ALDH9A1: variants seen among roughly 807,000 people sequenced by gnomAD.
The protein encoded by ALDH9A1 is aldehyde dehydrogenase 9 family member A1.
In ALDH9A1, 42 loss-of-function variants were observed where a neutral mutation model predicts 56.6. The observed-to-expected ratio is 0.74, with a 90% CI of 0.58 to 0.96. ALDH9A1 has a LOEUF of 0.96. Ranked by LOEUF, ALDH9A1 falls within the 40% of genes least tolerant of loss-of-function variation. ALDH9A1 has a pLI of 0.00. For missense variants in ALDH9A1, 661 were observed against 651.5 expected (o/e 1.01, Z -0.16); for synonymous variants, 242 against 236.0 (o/e 1.03, Z -0.23).
Position 165,667,304 on chromosome 1 carries a change from C to T in ALDH9A1, c.1349+5G>A. The T allele has an allele frequency of 6.2e-7, 1 of 1,614,048 alleles. No individual in the cohort carries two copies. Among genetic ancestry groups the T allele is most frequent in the Non-Finnish European group, 8.5e-7 (1 of 1,179,952 alleles). On this transcript the variant is annotated splice_donor_5th_base_variant and intron_variant, in intron 9 of 10. Coordinates refer to ENST00000354775, the MANE Select transcript of ALDH9A1 (RefSeq NM_000696.4). ...AAACTGCTCTCAGTGTCCCACTCCA[C>T]ATACCTGGTAAAGACGCCAGCTGCT...
At chr1:165,673,249 G>C (rs1256330661) in intron 6 of ALDH9A1, among the ~76,000 whole-genome samples, 2 of 151,992 alleles carry the variant, frequency 1.3e-5, no homozygotes, top group Non-Finnish European at 2.9e-5. Context: ...ATCACAATGA[G>C]GTATCACTTC....
rs1019871194 is a variant in ALDH9A1 at position 165,669,457 on chromosome 1, G to A, written c.931-7C>T. 6.3e-7 allele frequency: 1 copy of A among 1,599,732 alleles called. No homozygotes were observed. The highest frequency in any genetic ancestry group is 8.5e-7 in the Non-Finnish European group (1 of 1,173,854). On this transcript the variant is annotated splice_polypyrimidine_tract_variant and splice_region_variant and intron_variant, in intron 6 of 10. Coordinates refer to ENST00000354775, the MANE Select transcript of ALDH9A1 (RefSeq NM_000696.4). ...TTGTGCCATTACAGCAAACCTAAAG[G>A]ACAAACACAAGACATCAATTTCTAT...
intron 3 of ALDH9A1, among the ~76,000 whole-genome samples, chr1:165,682,490 C>T (rs549077030): frequency 5.3e-5 from 8 of 152,248 alleles, no homozygotes; most frequent in Admixed American, 3.3e-4. Context: ...TTTTACAACT[C>T]TCTAAGAATT....
Position 165,691,241 on chromosome 1 carries a change from C to A in ALDH9A1, c.327+4011G>T, listed in dbSNP as rs552874684. Reference sequence around the variant, plus strand: ...ACAGCCTCCGCTGGTGATACCCAGGCAAACAGGGTCTGGAGTGGACCTCCA... The same window carrying A: ...ACAGCCTCCGCTGGTGATACCCAGGAAAACAGGGTCTGGAGTGGACCTCCA... On this transcript the variant is annotated intron_variant, in intron 2 of 10. Coordinates refer to ENST00000354775, the MANE Select transcript of ALDH9A1 (RefSeq NM_000696.4). Among the ~76,000 whole-genome samples the A allele has an allele frequency of 2.0e-5, 3 of 152,322 alleles. No homozygotes were observed. The South Asian group carries it at 6.2e-4, about 32-fold the overall frequency.
chr1:165,679,721 T>C, intron 5 of ALDH9A1, 139 bp from the exon 6 acceptor site: 2 of 902,124 alleles, frequency 2.2e-6, no homozygotes, highest in Non-Finnish European at 3.4e-6. Flanking sequence ...CCTTTGCCTT[T>C]TGGCTATTAA....
chr1:165,690,787 C>A (rs13376536), intron 2 of ALDH9A1, among the ~76,000 whole-genome samples: 2 of 152,162 alleles, frequency 1.3e-5, no homozygotes, highest in Non-Finnish European at 2.9e-5. Context: ...GATGGAACTG[C>A]GAAGGTGGCA....
At chr1:165,665,976 T>C (rs1648993459) in intron 9 of ALDH9A1, among the ~76,000 whole-genome samples, 1 of 152,168 alleles carries the variant, frequency 6.6e-6, no homozygotes, top group African/African-American at 2.4e-5. Flanking sequence ...AGCATCATTA[T>C]TCATAATAGC....
chr1:165,679,943 T>C (rs1196233968), intron 5 of ALDH9A1, among the ~76,000 whole-genome samples: 2 of 151,904 alleles, frequency 1.3e-5, no homozygotes, highest in Non-Finnish European at 2.9e-5. Flanking sequence ...AGCCCAGGAG[T>C]TGAAGGCTGC....
intron 2 of ALDH9A1, among the ~76,000 whole-genome samples, chr1:165,691,763 A>C (rs191901506): frequency 6.6e-6 from 1 of 151,964 alleles, no homozygotes; most frequent in Admixed American, 6.6e-5. Flanking sequence ...CCAAGACATA[A>C]CAAAAAAAGA....
At chr1:165,667,720 G>A (rs1649051366) in intron 8 of ALDH9A1, among the ~76,000 whole-genome samples, 1 of 152,070 alleles carries the variant, frequency 6.6e-6, no homozygotes, top group African/African-American at 2.4e-5. Flanking sequence ...CATGGGGGAT[G>A]GACATTAGGT....
chr1:165,667,545 T>C, intron 8 of ALDH9A1, 95 bp from the exon 9 acceptor site: 1 of 1,389,660 alleles, frequency 7.2e-7, no homozygotes, highest in South Asian at 1.3e-5. Flanking sequence ...CTCACTATGT[T>C]GCCCAGTCTG....
In ALDH9A1 at chr1:165,662,997, C is replaced by T. The variant is rs1648890941; in HGVS notation, c.*53G>A. The stretch of plus-strand genomic sequence containing the variant: ...GTTGTACTGCCTCTGTAAACAGGGC[C>T]AATTCACATCATTCCACAGCGTGGC... On this transcript the variant is annotated 3_prime_UTR_variant, in exon 11 of 11. Coordinates refer to ENST00000354775, the MANE Select transcript of ALDH9A1 (RefSeq NM_000696.4). The T allele has an allele frequency of 6.7e-7, 1 of 1,494,512 alleles. No individual in the cohort carries two copies. Among genetic ancestry groups the T allele is most frequent in the Admixed American group, 1.7e-5 (1 of 59,800 alleles). The allele number at this position is 1,494,512 out of a possible 1,614,324, so 92.6% of individuals were successfully genotyped here.
intron 2 of ALDH9A1, among the ~76,000 whole-genome samples, chr1:165,690,822 C>T (rs1649865344): frequency 6.6e-6 from 1 of 152,196 alleles, no homozygotes; most frequent in African/African-American, 2.4e-5. Flanking sequence ...GGGGCGTCTG[C>T]CATTCCTGAG....
At chr1:165,668,383 G>A (rs866253750) in intron 8 of ALDH9A1, among the ~76,000 whole-genome samples, 2 of 152,054 alleles carry the variant, frequency 1.3e-5, no homozygotes, top group East Asian at 1.9e-4. Context: ...AGAGCCTGGT[G>A]CCTCTCTTGC....
intron 6 of ALDH9A1, chr1:165,671,395 T>C (rs1338035903): frequency 1.3e-4 from 58 of 460,954 alleles, no homozygotes; most frequent in South Asian, 7.8e-4. Flanking sequence ...ATTTAAAAAC[T>C]GGCCAAGAAG....
intron 6 of ALDH9A1, among the ~76,000 whole-genome samples, chr1:165,678,526 T>C (rs1422154273): frequency 2.6e-5 from 4 of 152,156 alleles, no homozygotes; most frequent in East Asian, 1.9e-4. Context: ...AATGATGGAA[T>C]TGGAAAATCA....
chr1:165,694,218 AAAAAAAGG>A (rs1649990087), intron 2 of ALDH9A1, among the ~76,000 whole-genome samples: 1 of 151,970 alleles, frequency 6.6e-6, no homozygotes, highest in African/African-American at 2.4e-5. Flanking sequence ...TAAAAAAAAA[AAAAAAAGG>A]AGGCAGGATT....
At chr1:165,664,166 C>T (rs1210249155) in intron 10 of ALDH9A1, among the ~76,000 whole-genome samples, 3 of 152,108 alleles carry the variant, frequency 2.0e-5, no homozygotes, top group Non-Finnish European at 4.4e-5. Context: ...CAAATTAACA[C>T]CCACCATCTC....
At chr1:165,667,870 T>TA (rs1558002142) in intron 8 of ALDH9A1, among the ~76,000 whole-genome samples, 1 of 152,148 alleles carries the variant, frequency 6.6e-6, no homozygotes, top group Non-Finnish European at 1.5e-5. Flanking sequence ...AAATAAGATG[T>TA]AAGGAATTAT....
Sources: gnomAD v4.1 joint callset for allele counts (sites outside exome capture counted in the v4.1 genomes callset) on GRCh38, gnomAD v4.1.1 for gene constraint, MANE v1.5 for transcripts, NCBI Gene and HGNC (gene_info 2026-07-23, HGNC 2026-07-21) for gene names.